Variants in KDM2B observed in about 807,000 individuals in gnomAD.
KDM2B encodes the protein lysine demethylase 2B, also known as lysine-specific demethylase 2B.
A neutral mutation model predicts 150.0 loss-of-function variants in KDM2B; 26 were observed. The observed-to-expected ratio is 0.17, with a 90% confidence interval of 0.13 to 0.24. The LOEUF (loss-of-function observed/expected upper bound fraction) is 0.24, where lower values mean the gene tolerates loss of function less well. Among genes scored for constraint, KDM2B ranks in the 10% least tolerant of loss-of-function variants. The pLI is 1.00. For missense variants in KDM2B, 1,265 were observed against 1,816.9 expected (o/e 0.70, Z 5.52); for synonymous variants, 734 against 729.5 (o/e 1.01, Z -0.10).
intron 4 of KDM2B, among the ~76,000 whole-genome samples, chr12:121,561,006 C>CT (rs1890300006): frequency 1.3e-5 from 2 of 152,162 alleles, no homozygotes; most frequent in Non-Finnish European, 2.9e-5. Flanking sequence ...GGGGCAGTGC[C>CT]TGGAGTTCCT....
chr12:121,419,677 C>A, the KDM2B span, among the ~76,000 whole-genome samples: 3 of 152,166 alleles, frequency 2.0e-5, no homozygotes, highest in Non-Finnish European at 4.4e-5. Context: ...ATAACCCAAA[C>A]TGAAGAGATT....
At chr12:121,433,332 C>T in intron 22 of KDM2B, 1 of 391,596 alleles carries the variant, frequency 2.6e-6, no homozygotes, top group South Asian at 1.9e-5. Flanking sequence ...GCCTGCCCGC[C>T]CGCCAGCCTG....
downstream of KDM2B, among the ~76,000 whole-genome samples, chr12:121,425,448 C>G (rs1872467555): frequency 6.6e-6 from 1 of 152,166 alleles, no homozygotes. Flanking sequence ...GGCCACTTCT[C>G]AGAGTCTGTT....
At chr12:121,459,198 C>A (rs954490349) in intron 12 of KDM2B, among the ~76,000 whole-genome samples, 2 of 151,248 alleles carry the variant, frequency 1.3e-5, no homozygotes, top group Admixed American at 6.6e-5. Flanking sequence ...ATCAATGAAA[C>A]AGAATTGAGA....
chr12:121,482,513 G>C (rs1193398720), intron 12 of KDM2B, among the ~76,000 whole-genome samples: 2 of 151,894 alleles, frequency 1.3e-5, no homozygotes, highest in African/African-American at 2.4e-5. Flanking sequence ...TGTTGTCCAG[G>C]ATGGTCTCAA....
the KDM2B span, chr12:121,418,019 C>A: frequency 1.7e-6 from 2 of 1,201,682 alleles, no homozygotes; most frequent in Non-Finnish European, 1.2e-6. Flanking sequence ...AAGTCATGTG[C>A]TGGAGTGAAG....
chr12:121,497,915 G>C (rs1471005425), intron 11 of KDM2B, among the ~76,000 whole-genome samples: 5 of 151,918 alleles, frequency 3.3e-5, no homozygotes, highest in Non-Finnish European at 7.4e-5. Flanking sequence ...GATCAACATG[G>C]AGAAACCCCA....
rs1336017214 is a variant in KDM2B, at chr12:121,509,163, A to G, written c.1647+404T>C. Among the ~76,000 whole-genome samples, 4 of 151,938 alleles carry G rather than the reference A, an allele frequency of 2.6e-5. No individual in the cohort carries two copies. In the East Asian group the frequency reaches 7.7e-4, roughly 29 times the overall value. On this transcript the variant is annotated intron_variant, in intron 11 of 22. Transcript: ENST00000377071. ...AACCTCCACCTCCCAGGTTCGAGCAATTCTTCTGCCTCAGCCTCCCAAGTA... is the reference window on the plus strand; with the variant it reads ...AACCTCCACCTCCCAGGTTCGAGCAGTTCTTCTGCCTCAGCCTCCCAAGTA...
chr12:121,536,677 T>C (rs1243194096), intron 6 of KDM2B, among the ~76,000 whole-genome samples: 4 of 150,672 alleles, frequency 2.7e-5, no homozygotes, highest in African/African-American at 9.8e-5. Context: ...TTTTTTTTTC[T>C]TTTTTTAATC....
chr12:121,556,002 C>T (rs1425440697), intron 4 of KDM2B, among the ~76,000 whole-genome samples: 1 of 152,062 alleles, frequency 6.6e-6, no homozygotes, highest in Non-Finnish European at 1.5e-5. Context: ...TCTCGGCTCA[C>T]TGCAACCTCT....
chr12:121,564,321 G>A (rs1555314428), intron 4 of KDM2B, among the ~76,000 whole-genome samples: 1 of 150,826 alleles, frequency 6.6e-6, no homozygotes, highest in Non-Finnish European at 1.5e-5. Context: ...AGCCGGGCGT[G>A]GTGGCGGGCA....
Position 121,496,654 on chromosome 12 carries a change from C to T in KDM2B, c.1648-1989G>A, listed in dbSNP as rs140198107. On this transcript the variant is annotated intron_variant, in intron 11 of 22. Coordinates refer to ENST00000377071, the MANE Select transcript of KDM2B (RefSeq NM_032590.5). ...GGACTACAAGTGCGTAACACCAAGC[C>T]CAGCTAATTGTATTATTTGTACAGA... Among the ~76,000 whole-genome samples the T allele has an allele frequency of 4.2e-3, 632 of 152,200 alleles. 5 individuals carry two copies. Among genetic ancestry groups the T allele is most frequent in the African/African-American group, 0.015 (610 of 41,516 alleles).
chr12:121,432,009 T>C (rs1873134916), intron 22 of KDM2B, among the ~76,000 whole-genome samples: 1 of 151,202 alleles, frequency 6.6e-6, no homozygotes, highest in South Asian at 2.1e-4. Flanking sequence ...GCCTCCCAAG[T>C]AGCTGGGATT....
At chr12:121,437,060 T>C (rs561731092) in intron 22 of KDM2B, among the ~76,000 whole-genome samples, 2 of 151,418 alleles carry the variant, frequency 1.3e-5, no homozygotes, top group African/African-American at 4.8e-5. Flanking sequence ...AGATATGAGA[T>C]CAAGGAAGGA....
At chr12:121,433,235 C>T (rs1555285949) in intron 22 of KDM2B, 1 of 456,544 alleles carries the variant, frequency 2.2e-6, no homozygotes, top group Non-Finnish European at 4.4e-6. Flanking sequence ...TCTTTGGTCC[C>T]TCTGTGCGTT....
chr12:121,528,142 G>A (rs1211091598), intron 8 of KDM2B, among the ~76,000 whole-genome samples: 2 of 152,234 alleles, frequency 1.3e-5, no homozygotes, highest in East Asian at 3.8e-4. Context: ...CAGCTAGGCA[G>A]GGCAAGCTCA....
chr12:121,464,270 A>G (rs1216843685), intron 12 of KDM2B, among the ~76,000 whole-genome samples: 1 of 152,246 alleles, frequency 6.6e-6, no homozygotes, highest in African/African-American at 2.4e-5. Flanking sequence ...TTCTTCTAAA[A>G]GCCCTCCTTT....
chr12:121,532,790 G>A lies in KDM2B; in HGVS notation c.931+16C>T. 1 of 1,613,192 alleles carries A rather than the reference G, an allele frequency of 6.2e-7. No homozygotes were observed. Among genetic ancestry groups the A allele is most frequent in the Admixed American group, 1.7e-5 (1 of 60,004 alleles). On this transcript the variant is annotated intron_variant, in intron 8 of 22. Transcript: ENST00000377071. ...AGGAGACTCGAGGAGCCCAGAGAGTGCCCCTGGAAACCTACCGGAAGGGAT... is the reference window on the plus strand; with the variant it reads ...AGGAGACTCGAGGAGCCCAGAGAGTACCCCTGGAAACCTACCGGAAGGGAT...
chr12:121,416,577 GT>G, the KDM2B span: 3 of 512,282 alleles, frequency 5.9e-6, no homozygotes, highest in Non-Finnish European at 1.0e-5. Context: ...TGTTTCTCAT[GT>G]TCAGGCATCC....
Sources: gnomAD v4.1 joint callset for allele counts (sites outside exome capture counted in the v4.1 genomes callset) on GRCh38, gnomAD v4.1.1 for gene constraint, MANE v1.5 for transcripts, NCBI Gene and HGNC (gene_info 2026-07-23, HGNC 2026-07-21) for gene names.